EML5: variants seen among roughly 807,000 people sequenced by gnomAD.
EML5 encodes EMAP like 5.
Under a neutral mutation model 250.0 loss-of-function variants are expected in EML5, and 120 were observed. The observed-to-expected ratio is 0.48, with a 90% CI of 0.41 to 0.56. EML5 has a LOEUF of 0.56. Ranked by LOEUF, EML5 falls within the 20% of genes least tolerant of loss-of-function variation. EML5 has a pLI of 0.00. For missense variants in EML5, 2,006 were observed against 2,437.6 expected (o/e 0.82, Z 3.73); for synonymous variants, 771 against 806.5 (o/e 0.96, Z 0.75).
intron 32 of EML5, among the ~76,000 whole-genome samples, chr14:88,636,586 G>A (rs772523825): frequency 6.6e-6 from 1 of 152,154 alleles, no homozygotes; most frequent in Non-Finnish European, 1.5e-5. Flanking sequence ...GCGTGAACCC[G>A]GGAGGTGGGG....
At chr14:88,759,701 A>C (rs1454322759) in intron 1 of EML5, among the ~76,000 whole-genome samples, 1 of 151,614 alleles carries the variant, frequency 6.6e-6, no homozygotes, top group African/African-American at 2.4e-5. Context: ...AAAAAAAAAA[A>C]AAACTGGGGA....
At chr14:88,713,168 G>C (rs1045297228) in intron 9 of EML5, among the ~76,000 whole-genome samples, 1 of 152,132 alleles carries the variant, frequency 6.6e-6, no homozygotes, top group Non-Finnish European at 1.5e-5. Context: ...GAGACAGGCA[G>C]ATCACTGAAG....
intron 1 of EML5, among the ~76,000 whole-genome samples, chr14:88,765,992 T>A (rs1439135478): frequency 1.3e-5 from 2 of 152,234 alleles, no homozygotes; most frequent in African/African-American, 4.8e-5. Flanking sequence ...TAATTTCTTA[T>A]GCCTGTCTTT....
intron 23 of EML5, 70 bp downstream of exon 23, chr14:88,664,423 C>T (rs994711631): frequency 1.3e-5 from 17 of 1,288,952 alleles, no homozygotes; most frequent in South Asian, 5.4e-5. Context: ...ATCACTTTTC[C>T]GTTTCTCTAA....
At chr14:88,745,742 C>G (rs1290611084) in intron 3 of EML5, among the ~76,000 whole-genome samples, 1 of 152,062 alleles carries the variant, frequency 6.6e-6, no homozygotes, top group African/African-American at 2.4e-5. Context: ...CTATGTATAT[C>G]AATTATATTT....
At chr14:88,782,639 T>C (rs1040725605) in intron 1 of EML5, among the ~76,000 whole-genome samples, 3 of 152,138 alleles carry the variant, frequency 2.0e-5, no homozygotes, top group African/African-American at 4.8e-5. Flanking sequence ...CAGCTGTGGC[T>C]AAAAGAGGCC....
At chr14:88,691,945 T>A (rs904022746) in intron 17 of EML5, among the ~76,000 whole-genome samples, 2 of 152,232 alleles carry the variant, frequency 1.3e-5, no homozygotes, top group African/African-American at 4.8e-5. Flanking sequence ...TGCAAGAATA[T>A]TTGCTTTCTT....
chr14:88,619,961 G>T (rs182736296), intron 39 of EML5: 2 of 152,312 alleles, frequency 1.3e-5, no homozygotes, highest in African/African-American at 4.8e-5. Context: ...CACCGCGCCC[G>T]GCCTGAAGAA....
At chr14:88,789,309 C>T (rs776341469) in intron 1 of EML5, among the ~76,000 whole-genome samples, 25 of 151,980 alleles carry the variant, frequency 1.6e-4, no homozygotes, top group Non-Finnish European at 3.4e-4. Flanking sequence ...AAAGTGACCC[C>T]AAAAGCCCTA....
chr14:88,622,512 T>C, intron 37 of EML5, 92 bp downstream of exon 37: 2 of 996,954 alleles, frequency 2.0e-6, no homozygotes, highest in South Asian at 2.3e-5. Context: ...CATTATTAAG[T>C]ATTGTTCATT....
At chr14:88,756,629 T>C (rs2094163797) in intron 1 of EML5, among the ~76,000 whole-genome samples, 1 of 151,468 alleles carries the variant, frequency 6.6e-6, no homozygotes, top group Non-Finnish European at 1.5e-5. Flanking sequence ...CTAATATGAA[T>C]TCAGCAAGGT....
At chr14:88,696,089 C>A (rs1409160061) in intron 15 of EML5, among the ~76,000 whole-genome samples, 1 of 151,868 alleles carries the variant, frequency 6.6e-6, no homozygotes, top group African/African-American at 2.4e-5. Context: ...CCTCACTGCT[C>A]CAGTGGTATT....
intron 35 of EML5, 73 bp downstream of exon 35, chr14:88,626,765 A>C (rs1162663092): frequency 2.1e-6 from 3 of 1,441,824 alleles, no homozygotes; most frequent in Non-Finnish European, 2.9e-6. Context: ...AACAACATTC[A>C]TGTGGCTGAT....
At chr14:88,778,778 A>AAAAATAAAC (rs1555381328) in intron 1 of EML5, among the ~76,000 whole-genome samples, 3 of 152,188 alleles carry the variant, frequency 2.0e-5, no homozygotes, top group African/African-American at 7.2e-5. Flanking sequence ...ACTCCATCTC[A>AAAAATAAAC]AAAACAAAAC....
rs74452965 is a variant in EML5 at position 88,657,881 on chromosome 14, T to C, written c.3877+306A>G. 0.016 allele frequency among the ~76,000 whole-genome samples: 2,396 copies of C among 152,234 alleles called. 117 individuals are homozygous for C. The East Asian group carries it at 0.19, about 12-fold the overall frequency. ...TACATTTTCTATAACGAGCTGATAT[T>C]ACTGGTATATTAGAAGAAAATCAAA... On this transcript the variant is annotated intron_variant, in intron 26 of 43. Transcript: ENST00000554922.
intron 37 of EML5, 31 bp downstream of exon 37, chr14:88,622,573 C>T (rs2140330809): frequency 6.6e-7 from 1 of 1,512,130 alleles, no homozygotes; most frequent in Non-Finnish European, 8.9e-7. Context: ...CTGTTTTCTG[C>T]TGCACTGTAT....
Position 88,625,082 on chromosome 14 carries a change from A to G in EML5, c.4786T>C (p.Trp1596Arg). The G allele has an allele frequency of 6.2e-7, 1 of 1,613,972 alleles. No homozygotes were observed. Among genetic ancestry groups the G allele is most frequent in the Non-Finnish European group, 8.5e-7 (1 of 1,179,858 alleles). ...TGTISGDVCV[W>R]KDHILCRIVA... ...ATTCTACACAATATGTGATCTTTCC[A>G]CACACAGACATCACCACTGATGGTA... is the stretch of plus-strand genomic sequence containing the variant. The change falls in exon 36 of 44, where the codon TGG becomes CGG. Residue 1596 changes from tryptophan to arginine, a missense_variant. By Grantham distance (101) the Trp-to-Arg change is moderately radical (BLOSUM62 -3). Coordinates refer to ENST00000554922, the MANE Select transcript of EML5 (RefSeq NM_183387.3).
At chr14:88,740,977 A>G (rs549431743) in intron 4 of EML5, among the ~76,000 whole-genome samples, 206 of 152,288 alleles carry the variant, frequency 1.4e-3, no homozygotes, top group African/African-American at 4.7e-3. Flanking sequence ...AGCCTGGCCA[A>G]TATGGCGAAG....
chr14:88,765,044 G>A (rs1163112394), intron 1 of EML5, among the ~76,000 whole-genome samples: 5 of 152,118 alleles, frequency 3.3e-5, no homozygotes, highest in African/African-American at 4.8e-5. Context: ...GGAATTTCAC[G>A]TCTTTGCCAG....
Sources: allele counts gnomAD v4.1 joint callset (sites outside exome capture counted in the v4.1 genomes callset), GRCh38; gene constraint gnomAD v4.1.1; transcripts MANE v1.5; gene names NCBI Gene and HGNC (gene_info 2026-07-23, HGNC 2026-07-21).